The following GPAT3 variants were observed in gnomAD, a reference collection of about 807,000 sequenced individuals.
GPAT3 encodes glycerol-3-phosphate acyltransferase 3.
A neutral mutation model predicts 58.8 loss-of-function variants in GPAT3; 53 were observed. The observed-to-expected ratio is 0.90, with a 90% CI of 0.72 to 1.13. The LOEUF (loss-of-function observed/expected upper bound fraction) is 1.13, where lower values mean the gene tolerates loss of function less well. Ranked by LOEUF, GPAT3 falls within the 50% of genes most tolerant of loss-of-function variation. The pLI is 0.00. For missense variants in GPAT3, 511 were observed against 527.6 expected (o/e 0.97, Z 0.31); for synonymous variants, 197 against 187.4 (o/e 1.05, Z -0.42).
intron 11 of GPAT3, among the ~76,000 whole-genome samples, chr4:83,601,437 A>ATTTT (rs1204399015): frequency 6.6e-6 from 1 of 152,246 alleles, no homozygotes; most frequent in African/African-American, 2.4e-5. Context: ...TAATTTCTAC[A>ATTTT]GTGAAAACTC....
chr4:83,600,081 A>G (rs1244043016), intron 11 of GPAT3, among the ~76,000 whole-genome samples: 1 of 152,158 alleles, frequency 6.6e-6, no homozygotes, highest in Non-Finnish European at 1.5e-5. Context: ...AAAACCTTGG[A>G]TAAGGGGGGA....
chr4:83,541,340 C>T (rs1724295388), intron 1 of GPAT3, among the ~76,000 whole-genome samples: 2 of 151,568 alleles, frequency 1.3e-5, no homozygotes, highest in South Asian at 4.2e-4. Context: ...AAGCAATCCT[C>T]CTGAGTGGCT....
At chr4:83,596,769 A>G (rs1235252152) in intron 7 of GPAT3, 89 bp from the exon 8 acceptor site, 15 of 969,190 alleles carry the variant, frequency 1.5e-5, no homozygotes, top group Non-Finnish European at 2.4e-5. Flanking sequence ...TTGCTTCACA[A>G]TTGTGCCAGT....
chr4:83,580,914 G>A (rs1726091579), intron 2 of GPAT3, among the ~76,000 whole-genome samples: 1 of 151,892 alleles, frequency 6.6e-6, no homozygotes, highest in Non-Finnish European at 1.5e-5. Flanking sequence ...GGCTAACATG[G>A]TGAAACCCTG....
At chr4:83,579,242 T>C (rs1313690294) in intron 2 of GPAT3, among the ~76,000 whole-genome samples, 1 of 140,460 alleles carries the variant, frequency 7.1e-6, no homozygotes, top group African/African-American at 2.7e-5. Context: ...CTCCCTCTTT[T>C]CTCCCTTTCC....
At chr4:83,593,063 T>C (rs1578197146) in intron 6 of GPAT3, among the ~76,000 whole-genome samples, 1 of 151,268 alleles carries the variant, frequency 6.6e-6, no homozygotes, top group African/African-American at 2.4e-5. Flanking sequence ...GACGGGGTTT[T>C]GCCATGTTGG....
Position 83,597,522 on chromosome 4 carries a change from C to T in GPAT3, c.996+7C>T, listed in dbSNP as rs1291889121. 1 of 1,479,486 alleles carries T rather than the reference C, an allele frequency of 6.8e-7. No individual in the cohort carries two copies. Among genetic ancestry groups the T allele is most frequent in the Non-Finnish European group, 9.2e-7 (1 of 1,090,250 alleles). The allele number at this position is 1,479,486 out of a possible 1,614,324, so 91.6% of individuals were successfully genotyped here. A position where few individuals can be genotyped will look rare whatever the true frequency, so the allele number is the denominator to read the frequency against. On this transcript the variant is annotated splice_region_variant and intron_variant, in intron 9 of 11. Transcript: ENST00000264409. The stretch of plus-strand genomic sequence containing the variant: ...ACATCCAGTTGCAATTAAGGTAAAA[C>T]AGATACCATAATAAGAATAATAATT...
At chr4:83,556,078 A>G (rs1724929375) in intron 2 of GPAT3, among the ~76,000 whole-genome samples, 1 of 152,230 alleles carries the variant, frequency 6.6e-6, no homozygotes, top group Non-Finnish European at 1.5e-5. Flanking sequence ...CATTACAATC[A>G]AAGATACCAT....
chr4:83,550,358 G>A (rs1724709687), intron 2 of GPAT3, among the ~76,000 whole-genome samples: 1 of 151,966 alleles, frequency 6.6e-6, no homozygotes, highest in Non-Finnish European at 1.5e-5. Context: ...ATGGCCAAAT[G>A]TCCCCCTGAT....
At position 83,605,053 on chromosome 4, in the gene GPAT3, G is replaced by GA. The variant is rs1727204754; in HGVS notation, c.*292dup. On this transcript the variant is annotated 3_prime_UTR_variant, in exon 12 of 12. Transcript: ENST00000264409. ...GTGGACTGAATGAAATATTTGTATA[G>GA]AAAAAAGTGCTTGAAAAGTGTGTTT... 4.3e-6 allele frequency: 1 copy of GA among 233,858 alleles called. No individual in the cohort carries two copies. Among genetic ancestry groups the GA allele is most frequent in the South Asian group, 8.9e-5 (1 of 11,234 alleles). The allele number at this position is 233,858 out of a possible 1,614,324, so 14.5% of individuals were successfully genotyped here.
At chr4:83,549,135 T>G (rs939331099) in intron 2 of GPAT3, among the ~76,000 whole-genome samples, 1 of 145,508 alleles carries the variant, frequency 6.9e-6, no homozygotes, top group Admixed American at 7.0e-5. Flanking sequence ...GGAGTTTGAG[T>G]GTAGCCAGGG....
chr4:83,549,589 G>A (rs931799954), intron 2 of GPAT3, among the ~76,000 whole-genome samples: 32 of 150,310 alleles, frequency 2.1e-4, no homozygotes, highest in African/African-American at 7.5e-4. Context: ...CTAGAGTGCA[G>A]TGGGGCAATC....
intron 2 of GPAT3, among the ~76,000 whole-genome samples, chr4:83,576,412 T>TTTTATTTA (rs35514780): frequency 0.041 from 5,909 of 142,632 alleles, 147 homozygotes; most frequent in African/African-American, 0.064. Context: ...GAAAATATCA[T>TTTTATTTA]TTTATTTATT....
At chr4:83,590,467 A>G (rs746603347) in intron 6 of GPAT3, among the ~76,000 whole-genome samples, 175 bp downstream of exon 6, 49 of 152,246 alleles carry the variant, frequency 3.2e-4, no homozygotes, top group Non-Finnish European at 4.1e-4. Context: ...GTGCAAGAAA[A>G]GGAAGGAAAA....
chr4:83,554,649 TTGTC>T (rs1339510812), intron 2 of GPAT3, among the ~76,000 whole-genome samples: 5 of 152,102 alleles, frequency 3.3e-5, no homozygotes, highest in Non-Finnish European at 7.4e-5. Context: ...GAATCCCAGT[TTGTC>T]TGTTCTACTC....
In GPAT3 at chr4:83,594,863, G is replaced by A. The variant is rs371169326; in HGVS notation, c.757G>A (p.Gly253Ser). The A allele has an allele frequency of 1.1e-5, 18 of 1,613,678 alleles. No individual in the cohort carries two copies. The highest frequency in any genetic ancestry group is 1.4e-5 in the Non-Finnish European group (17 of 1,179,832). ...CYAMVGQVHG[G>S]LMGIIQRAMV... ...CTTCTAGGTTGGCCAGGTTCATGGC[G>A]GCTTGATGGGAATTATTCAGAGAGC... Residue 253 changes from glycine (G) to serine (S), a missense_variant, in exon 7 of 12, where the codon GGC becomes AGC. Coordinates refer to ENST00000264409, the MANE Select transcript of GPAT3 (RefSeq NM_032717.5).
intron 6 of GPAT3, among the ~76,000 whole-genome samples, chr4:83,593,166 C>CTTTTTGTTTTTTT (rs1726673185): frequency 8.9e-6 from 1 of 112,358 alleles, no homozygotes; most frequent in African/African-American, 3.1e-5. Context: ...CGAGCCAGGA[C>CTTTTTGTTTTTTT]TTTTTTTTTT....
At chr4:83,540,803 C>T (rs1285246981) in intron 1 of GPAT3, among the ~76,000 whole-genome samples, 3 of 152,182 alleles carry the variant, frequency 2.0e-5, no homozygotes, top group African/African-American at 7.2e-5. Flanking sequence ...GATTCTCCTG[C>T]CTCAGCCTCC....
intron 2 of GPAT3, among the ~76,000 whole-genome samples, chr4:83,553,668 G>A (rs1167440060): frequency 6.6e-6 from 1 of 152,098 alleles, no homozygotes; most frequent in Non-Finnish European, 1.5e-5. Context: ...GGAGGCTGAG[G>A]CAGGTGGACT....
Sources: gnomAD v4.1 joint callset for allele counts (sites outside exome capture counted in the v4.1 genomes callset) on GRCh38, gnomAD v4.1.1 for gene constraint, MANE v1.5 for transcripts, NCBI Gene and HGNC (gene_info 2026-07-23, HGNC 2026-07-21) for gene names.